The following ITPK1 variants were observed in gnomAD, a reference collection of about 807,000 sequenced individuals.
ITPK1 encodes the protein inositol 1,3,4-trisphosphate 5/6-kinase.
ITPK1 carries 21 observed loss-of-function variants against 45.3 expected under a neutral mutation model. That is an observed-to-expected ratio of 0.46 (90% CI 0.33 to 0.67). The LOEUF (loss-of-function observed/expected upper bound fraction) is 0.67, where lower values mean the gene tolerates loss of function less well. Ranked by LOEUF, ITPK1 falls within the 30% of genes least tolerant of loss-of-function variation. The probability of loss-of-function intolerance (pLI) is 0.02; values close to 1 mark genes in which losing one functional copy is unlikely to be tolerated. For synonymous variants in ITPK1, 258 were observed against 253.6 expected, an observed-to-expected ratio of 1.02 and a Z score of -0.16; for missense variants, 474 against 573.5, an observed-to-expected ratio of 0.83 and a Z score of 1.77.
chr14:93,058,394 T>TGGGTTATG (rs1890302397), intron 3 of ITPK1, among the ~76,000 whole-genome samples: 2 of 63,904 alleles, frequency 3.1e-5, no homozygotes, highest in African/African-American at 6.5e-5. Flanking sequence ...GGAGGGGGTG[T>TGGGTTATG]AGGTCGCAAC....
At position 92,958,440 on chromosome 14, in the gene ITPK1, C is replaced by G. The variant is rs1884869116; in HGVS notation, c.505-74G>C. 2 of 1,432,982 alleles carry G rather than the reference C, an allele frequency of 1.4e-6. No homozygotes were observed. Among genetic ancestry groups the G allele is most frequent in the African/African-American group, 2.8e-5 (2 of 71,328 alleles). 88.8% of individuals were successfully genotyped at this position (1,432,982 alleles called of 1,614,324 possible). A position where few individuals can be genotyped will look rare whatever the true frequency, so the allele number is the denominator to read the frequency against. On this transcript the variant is annotated intron_variant, in intron 7 of 10. Transcript: ENST00000267615. The surrounding 1 kb of genome is among the most constrained non-coding windows in gnomAD (Gnocchi z 4.4). The stretch of plus-strand genomic sequence containing the variant: ...AGCCTCCAACACACAGGTGTGTCAC[C>G]TGTCCAGAGCACCTCCACCAAGGCC...
rs971950916 is a variant in ITPK1, at chr14:93,014,469, G to A, written c.246+2207C>T. 2.0e-5 allele frequency among the ~76,000 whole-genome samples: 3 copies of A among 152,142 alleles called. No homozygotes were observed. Among genetic ancestry groups the A allele is most frequent in the African/African-American group, 7.2e-5 (3 of 41,434 alleles). ...GATGTGGTCTCTAGGAAGAGCAACC[G>A]TGTGGGTGTGATGAAGTGGCACTCA... On this transcript the variant is annotated intron_variant, in intron 4 of 10. Coordinates refer to ENST00000267615, the MANE Select transcript of ITPK1 (RefSeq NM_014216.6). This position sits in a 1 kb window ranked among gnomAD's most constrained non-coding sequence, Gnocchi z 4.4.
intron 2 of ITPK1, among the ~76,000 whole-genome samples, chr14:93,085,547 C>T (rs1431156105): frequency 2.0e-5 from 3 of 152,176 alleles, no homozygotes; most frequent in African/African-American, 7.2e-5. Context: ...CCTTTGGCAC[C>T]TCCCGGAGAG....
intron 4 of ITPK1, among the ~76,000 whole-genome samples, chr14:92,997,964 G>A (rs1887145217): frequency 1.3e-5 from 2 of 152,146 alleles, no homozygotes; most frequent in African/African-American, 4.8e-5. Flanking sequence ...TGAGATGAAC[G>A]TCAGAGATAC....
chr14:93,075,086 G>C (rs961825195), intron 3 of ITPK1, among the ~76,000 whole-genome samples: 8 of 152,082 alleles, frequency 5.3e-5, no homozygotes, highest in South Asian at 2.1e-4. Context: ...AGCACTTTTG[G>C]AAGGCCGAGG....
chr14:93,030,707 G>A (rs1305708178), intron 3 of ITPK1, among the ~76,000 whole-genome samples: 1 of 152,150 alleles, frequency 6.6e-6, no homozygotes, highest in Non-Finnish European at 1.5e-5. Context: ...CCTGGTACAG[G>A]CTAAACTGTG....
At chr14:93,081,054 G>A (rs1292515151) in intron 2 of ITPK1, among the ~76,000 whole-genome samples, 3 of 151,534 alleles carry the variant, frequency 2.0e-5, no homozygotes, top group African/African-American at 7.3e-5. Flanking sequence ...CTGCAGCCGG[G>A]CATGGTGGCT....
intron 3 of ITPK1, among the ~76,000 whole-genome samples, chr14:93,050,848 T>C (rs1355316797): frequency 6.6e-6 from 1 of 151,160 alleles, no homozygotes; most frequent in East Asian, 2.0e-4. Flanking sequence ...CACTGGCCCA[T>C]CAGCAAGCAG....
At position 92,998,472 on chromosome 14, in the gene ITPK1, C is replaced by T. The variant is rs535954839; in HGVS notation, c.247-4475G>A. 1.4e-3 allele frequency among the ~76,000 whole-genome samples: 206 copies of T among 152,256 alleles called. 1 individual carries two copies. Among genetic ancestry groups the T allele is most frequent in the African/African-American group, 4.9e-3 (203 of 41,542 alleles). On this transcript the variant is annotated intron_variant, in intron 4 of 10. Transcript: ENST00000267615. ...CCAAGGGATTCGTTTTTCAGAGATG[C>T]AACTCAAAAAGGACTCACAGATTAA...
chr14:92,960,672 T>C (rs1476652702), intron 7 of ITPK1, among the ~76,000 whole-genome samples: 1 of 152,226 alleles, frequency 6.6e-6, no homozygotes, highest in Non-Finnish European at 1.5e-5. Context: ...ACTACGCTCG[T>C]GCTTCCATCT....
intron 4 of ITPK1, among the ~76,000 whole-genome samples, chr14:93,005,295 G>A (rs1887556523): frequency 6.6e-6 from 1 of 152,186 alleles, no homozygotes; most frequent in African/African-American, 2.4e-5. Flanking sequence ...AGAAAACTCT[G>A]ATGCAATCTG....
rs925975476 is a variant in ITPK1, at chr14:93,036,789, C to T, written c.121-19988G>A. On this transcript the variant is annotated intron_variant, in intron 3 of 10. Coordinates refer to ENST00000267615, the MANE Select transcript of ITPK1 (RefSeq NM_014216.6). This position sits in a 1 kb window ranked among gnomAD's most constrained non-coding sequence, Gnocchi z 4.1. ...ACTTGGAAATGCCAAGAAAAATCCC[C>T]CCAGAGCAGAGCAGAGAAGGGCTGA... 2 of 152,482 alleles carry T rather than the reference C, an allele frequency of 1.3e-5. No homozygotes were observed. The highest frequency in any genetic ancestry group is 2.9e-5 in the Non-Finnish European group (2 of 68,284). 9.4% of individuals were successfully genotyped at this position (152,482 alleles called of 1,614,324 possible).
chr14:92,940,575 C>T lies in ITPK1; in HGVS notation c.*986G>A, dbSNP rs1241514538. On this transcript the variant is annotated 3_prime_UTR_variant, in exon 11 of 11. Transcript: ENST00000267615. ...AGGAGTGAACCCACTGGGAAGAGGGCCCCGATCTCCATGGTGTCATGCCGA... is the reference window on the plus strand; with the variant it reads ...AGGAGTGAACCCACTGGGAAGAGGGTCCCGATCTCCATGGTGTCATGCCGA... 1.6e-5 allele frequency: 19 copies of T among 1,183,316 alleles called. No homozygotes were observed. The highest frequency in any genetic ancestry group is 3.6e-5 in the Admixed American group (1 of 27,462). The allele number at this position is 1,183,316 out of a possible 1,614,324, so 73.3% of individuals were successfully genotyped here.
At position 92,980,998 on chromosome 14, in the gene ITPK1, G is replaced by A. The variant is rs140016355; in HGVS notation, c.364+12882C>T. ...GCTGGGATTACAGGCATGAGCCACCGCACCCGGCCTCTCTTGTAGTTTTTC... is the reference window on the plus strand; with the variant it reads ...GCTGGGATTACAGGCATGAGCCACCACACCCGGCCTCTCTTGTAGTTTTTC... On this transcript the variant is annotated intron_variant, in intron 5 of 10. Coordinates refer to ENST00000267615, the MANE Select transcript of ITPK1 (RefSeq NM_014216.6). Among the ~76,000 whole-genome samples, 1,001 of 152,236 alleles carry A rather than the reference G, an allele frequency of 6.6e-3. 13 individuals carry two copies. Among genetic ancestry groups the A allele is most frequent in the African/African-American group, 0.022 (913 of 41,536 alleles).
At chr14:92,963,971 C>G (rs72704295) in intron 5 of ITPK1, among the ~76,000 whole-genome samples, 1 of 152,164 alleles carries the variant, frequency 6.6e-6, no homozygotes, top group Non-Finnish European at 1.5e-5. Flanking sequence ...CAGAGCAAAG[C>G]AGACTGTCTC....
chr14:92,957,775 A>G (rs1055279753), intron 8 of ITPK1, among the ~76,000 whole-genome samples: 5 of 152,190 alleles, frequency 3.3e-5, no homozygotes, highest in Admixed American at 3.3e-4. Context: ...TCCCCAGGGG[A>G]AAATGAGACC....
At chr14:93,062,925 G>A (rs1004656326) in intron 3 of ITPK1, among the ~76,000 whole-genome samples, 4 of 152,210 alleles carry the variant, frequency 2.6e-5, no homozygotes, top group African/African-American at 9.7e-5. Flanking sequence ...GGTCCTGAGC[G>A]ATCCGGCGGA....
Position 93,038,889 on chromosome 14 carries a change from T to C in ITPK1, c.121-22088A>G, listed in dbSNP as rs962700888. 2.0e-5 allele frequency among the ~76,000 whole-genome samples: 3 copies of C among 152,300 alleles called. No homozygotes were observed. In the East Asian group the frequency reaches 5.8e-4, roughly 29 times the overall value. Reference sequence around the variant, plus strand: ...GACAAAGACATAAGTGCCAAGCAACTATCTAAAAAATGCATCCAGTGGAAA... The same window carrying C: ...GACAAAGACATAAGTGCCAAGCAACCATCTAAAAAATGCATCCAGTGGAAA... On this transcript the variant is annotated intron_variant, in intron 3 of 10. Coordinates refer to ENST00000267615, the MANE Select transcript of ITPK1 (RefSeq NM_014216.6).
intron 3 of ITPK1, among the ~76,000 whole-genome samples, chr14:93,035,209 C>T (rs1889263847): frequency 6.6e-6 from 1 of 152,202 alleles, no homozygotes; most frequent in South Asian, 2.1e-4. Flanking sequence ...ACCAGGCACT[C>T]GCTGTGGACT....
Sources: allele counts gnomAD v4.1 joint callset (sites outside exome capture counted in the v4.1 genomes callset), GRCh38; gene constraint gnomAD v4.1.1; non-coding constraint Gnocchi (gnomAD v3.1); transcripts MANE v1.5; gene names NCBI Gene and HGNC (gene_info 2026-07-23, HGNC 2026-07-21).